The following TRHDE variants were observed in gnomAD, a reference collection of about 807,000 sequenced individuals.
TRHDE encodes the protein thyrotropin releasing hormone degrading enzyme, also known as thyrotropin-releasing hormone-degrading ectoenzyme.
A neutral mutation model predicts 125.7 loss-of-function variants in TRHDE; 72 were observed. The observed-to-expected ratio is 0.57, with a 90% confidence interval of 0.47 to 0.70. TRHDE has a LOEUF of 0.70. TRHDE is among the 30% of genes least tolerant of loss of function. The pLI, the probability that TRHDE is intolerant of heterozygous loss-of-function variation, is 0.00. For missense variants in TRHDE, 1,110 were observed against 1,327.1 expected (o/e 0.84, Z 2.54); for synonymous variants, 509 against 509.1 (o/e 1.00, Z 0.00).
At chr12:72,490,474 T>C (rs1877615632) in intron 5 of TRHDE, among the ~76,000 whole-genome samples, 1 of 151,770 alleles carries the variant, frequency 6.6e-6, no homozygotes, top group Non-Finnish European at 1.5e-5. Context: ...TCTGCATACA[T>C]ACCCAAAGGA....
chr12:72,399,839 C>T (rs959087957), intron 3 of TRHDE, among the ~76,000 whole-genome samples: 1 of 152,012 alleles, frequency 6.6e-6, no homozygotes, highest in Non-Finnish European at 1.5e-5. Context: ...TGATAAATGA[C>T]TGACAGATTT....
intron 5 of TRHDE, among the ~76,000 whole-genome samples, chr12:72,489,542 A>G (rs958713431): frequency 6.6e-6 from 1 of 151,898 alleles, no homozygotes; most frequent in Non-Finnish European, 1.5e-5. Context: ...AGCCCAGGCA[A>G]TCTTCAGCAA....
chr12:72,466,305 C>G (rs1181858697), intron 3 of TRHDE, among the ~76,000 whole-genome samples: 1 of 152,162 alleles, frequency 6.6e-6, no homozygotes, highest in Non-Finnish European at 1.5e-5. Context: ...AATCCAAATC[C>G]CAATGTGTGG....
intron 2 of TRHDE, among the ~76,000 whole-genome samples, chr12:72,218,580 T>A (rs1217560314): frequency 1.3e-5 from 2 of 152,112 alleles, no homozygotes; most frequent in African/African-American, 2.4e-5. Context: ...AAGTTTGAAA[T>A]CAAAGTATCA....
intron 1 of TRHDE, among the ~76,000 whole-genome samples, chr12:72,276,131 G>T (rs1047237452): frequency 4.6e-5 from 7 of 152,124 alleles, no homozygotes; most frequent in African/African-American, 7.2e-5. Context: ...CTTGGAGCAT[G>T]GAGCATTTTT....
At chr12:72,514,009 G>C (rs1171707672) in intron 6 of TRHDE, among the ~76,000 whole-genome samples, 1 of 152,042 alleles carries the variant, frequency 6.6e-6, no homozygotes, top group Non-Finnish European at 1.5e-5. Flanking sequence ...AGCAACCTTT[G>C]ACTGGCATCG....
At chr12:72,563,248 T>C (rs1302473022) in intron 9 of TRHDE, among the ~76,000 whole-genome samples, 2 of 152,156 alleles carry the variant, frequency 1.3e-5, no homozygotes, top group Non-Finnish European at 2.9e-5. Context: ...ACCAAAGTTA[T>C]TTGTTTAGGA....
At chr12:72,353,023 C>T (rs938536816) in intron 2 of TRHDE, among the ~76,000 whole-genome samples, 1 of 151,272 alleles carries the variant, frequency 6.6e-6, no homozygotes, top group Non-Finnish European at 1.5e-5. Context: ...CCAATACAAC[C>T]ATGAATACAA....
At position 72,663,017 on chromosome 12, in the gene TRHDE, A is replaced by T. The variant is rs771095151; in HGVS notation, c.3067-35A>T. 35 of 1,580,482 alleles carry T rather than the reference A, an allele frequency of 2.2e-5. No individual in the cohort carries two copies. The Admixed American group carries it at 6.1e-4, about 27-fold the overall frequency. ...GTTGGACATGAGTTCTTTTTAAGAC[A>T]GGCAGATTTACCATTTAAAAATTTC... is the stretch of plus-strand genomic sequence containing the variant. On this transcript the variant is annotated intron_variant, in intron 18 of 18. Transcript: ENST00000261180.
intron 3 of TRHDE, among the ~76,000 whole-genome samples, chr12:72,454,307 AT>A (rs982470999): frequency 6.6e-6 from 1 of 152,098 alleles, no homozygotes; most frequent in Non-Finnish European, 1.5e-5. Context: ...CCAATCTAAT[AT>A]TTTTTGCAGG....
At chr12:72,282,098 A>G (rs1879716253) in intron 1 of TRHDE, among the ~76,000 whole-genome samples, 1 of 152,192 alleles carries the variant, frequency 6.6e-6, no homozygotes, top group African/African-American at 2.4e-5. Flanking sequence ...TGAAAGTGGA[A>G]TTTTTTATGG....
intron 7 of TRHDE, among the ~76,000 whole-genome samples, chr12:72,559,071 C>T (rs1428668831): frequency 2.0e-5 from 3 of 152,064 alleles, no homozygotes; most frequent in Admixed American, 6.6e-5. Context: ...TAAGGCAACT[C>T]GCACAGTGTT....
rs193300236 is a variant in TRHDE at position 72,551,481 on chromosome 12, G to T, written c.1788+9125G>T. On this transcript the variant is annotated intron_variant, in intron 7 of 18. Transcript: ENST00000261180. ...CAATAACACATATAAGTGTTAAAAA[G>T]TCATTTCTTAATGTTTTGTGCTAAC... Among the ~76,000 whole-genome samples the T allele has an allele frequency of 7.2e-4, 109 of 152,098 alleles. 1 individual carries two copies. Among genetic ancestry groups the T allele is most frequent in the Admixed American group, 3.5e-3 (53 of 15,258 alleles).
chr12:72,134,106 A>G (rs977706791), intron 2 of TRHDE, among the ~76,000 whole-genome samples: 2 of 152,228 alleles, frequency 1.3e-5, no homozygotes, highest in African/African-American at 2.4e-5. Context: ...TGTTACTGGC[A>G]CAGGCTGATC....
At chr12:72,254,029 G>C (rs913677319) in intron 2 of TRHDE, 2 of 152,012 alleles carry the variant, frequency 1.3e-5, no homozygotes, top group East Asian at 1.9e-4. Context: ...ATAAAAAATA[G>C]TACAGAAAAG....
At chr12:72,283,212 G>T (rs1193941237) in intron 1 of TRHDE, among the ~76,000 whole-genome samples, 2 of 152,106 alleles carry the variant, frequency 1.3e-5, no homozygotes, top group African/African-American at 4.8e-5. Context: ...AGGAGCAAAT[G>T]CTTTATAGAA....
At chr12:72,310,220 CAAT>C (rs1231066887) in intron 2 of TRHDE, among the ~76,000 whole-genome samples, 1 of 152,122 alleles carries the variant, frequency 6.6e-6, no homozygotes, top group Non-Finnish European at 1.5e-5. Flanking sequence ...TAAAGGGAGA[CAAT>C]AATAGTATCC....
intron 3 of TRHDE, among the ~76,000 whole-genome samples, chr12:72,453,065 G>C (rs1174288848): frequency 1.3e-5 from 2 of 152,182 alleles, no homozygotes; most frequent in African/African-American, 4.8e-5. Flanking sequence ...AACAGCTTTT[G>C]AACTGAGTAG....
At chr12:72,454,474 A>G (rs1157650518) in intron 3 of TRHDE, among the ~76,000 whole-genome samples, 1 of 152,232 alleles carries the variant, frequency 6.6e-6, no homozygotes, top group Admixed American at 6.5e-5. Context: ...CTATGGAACC[A>G]TTAATCCCTG....
Sources: gnomAD v4.1 joint callset for allele counts (sites outside exome capture counted in the v4.1 genomes callset) on GRCh38, gnomAD v4.1.1 for gene constraint, MANE v1.5 for transcripts, NCBI Gene and HGNC (gene_info 2026-07-23, HGNC 2026-07-21) for gene names.